MSI2: variants seen among roughly 807,000 people sequenced by gnomAD.
The protein encoded by MSI2 is musashi RNA binding protein 2.
In MSI2, 17 loss-of-function variants were observed where a neutral mutation model predicts 45.6. That is an observed-to-expected ratio of 0.37 (90% CI 0.26 to 0.56). The LOEUF (loss-of-function observed/expected upper bound fraction) is 0.56. Among genes scored for constraint, MSI2 ranks in the 20% least tolerant of loss-of-function variants. MSI2 has a pLI of 0.77. For synonymous variants in MSI2, 156 were observed against 158.2 expected (o/e 0.99, Z 0.11); for missense variants, 293 against 444.2 (o/e 0.66, Z 3.06).
chr17:57,509,513 C>T (rs936230731), intron 6 of MSI2, among the ~76,000 whole-genome samples: 5 of 152,184 alleles, frequency 3.3e-5, no homozygotes, highest in African/African-American at 9.7e-5. Flanking sequence ...CTCCGCCTCC[C>T]GGGTTCAAGT....
chr17:57,520,430 C>A (rs1027934731), intron 6 of MSI2, among the ~76,000 whole-genome samples: 2 of 152,052 alleles, frequency 1.3e-5, no homozygotes, highest in African/African-American at 4.8e-5. Context: ...ATAGAATGAT[C>A]CCACAAGAAT....
chr17:57,585,980 C>T (rs1205629199), intron 7 of MSI2, among the ~76,000 whole-genome samples: 1 of 152,232 alleles, frequency 6.6e-6, no homozygotes, highest in East Asian at 1.9e-4. Flanking sequence ...AGTTGTCTAG[C>T]GATTTAATTT....
At chr17:57,334,636 A>G (rs998264686) in intron 5 of MSI2, among the ~76,000 whole-genome samples, 5 of 152,162 alleles carry the variant, frequency 3.3e-5, no homozygotes, top group African/African-American at 1.2e-4. Context: ...TCTACTAAAA[A>G]TACAAAAATT....
the MSI2 span, among the ~76,000 whole-genome samples, chr17:57,689,900 A>G: frequency 1.5e-4 from 23 of 152,186 alleles, no homozygotes; most frequent in Admixed American, 1.4e-3. Context: ...ATATAGATAT[A>G]CCCAATTTGT....
At chr17:57,453,116 G>A (rs1211213231) in intron 6 of MSI2, among the ~76,000 whole-genome samples, 14 of 150,194 alleles carry the variant, frequency 9.3e-5, no homozygotes, top group East Asian at 2.0e-4. Flanking sequence ...TGATTCTGCC[G>A]CAGCCTCCCG....
chr17:57,528,293 A>C (rs962633080), intron 6 of MSI2, among the ~76,000 whole-genome samples: 5 of 152,190 alleles, frequency 3.3e-5, no homozygotes, highest in East Asian at 1.9e-4. Flanking sequence ...TACTCATAAA[A>C]GGAGTGCATT....
At chr17:57,697,003 C>A in the MSI2 span, among the ~76,000 whole-genome samples, 2 of 152,114 alleles carry the variant, frequency 1.3e-5, no homozygotes, top group Non-Finnish European at 2.9e-5. Context: ...CCAGAGCTAT[C>A]TCTGTAGCTT....
chr17:57,282,058 G>C (rs1213639576), intron 5 of MSI2, among the ~76,000 whole-genome samples: 1 of 152,150 alleles, frequency 6.6e-6, no homozygotes, highest in Non-Finnish European at 1.5e-5. Flanking sequence ...AGATCAAAGC[G>C]GGGAGACTAG....
intron 6 of MSI2, among the ~76,000 whole-genome samples, chr17:57,471,150 C>G (rs1283845846): frequency 6.6e-6 from 1 of 152,142 alleles, no homozygotes; most frequent in Non-Finnish European, 1.5e-5. Context: ...GTTTATGCCC[C>G]CTGCCTGGCC....
chr17:57,557,501 A>G (rs910863280), intron 7 of MSI2, among the ~76,000 whole-genome samples: 1 of 152,198 alleles, frequency 6.6e-6, no homozygotes, highest in Non-Finnish European at 1.5e-5. Flanking sequence ...CTCACTTCTC[A>G]GTTACTTTCT....
rs1227574800 is a variant in MSI2 at position 57,603,014 on chromosome 17, G to A, written c.537+6064G>A. Reference sequence around the variant, plus strand: ...ATAAATTGCCCAGCCATCATCATCAGAAGGAAGGGACTTGGGAATGAAGGG... The same window carrying A: ...ATAAATTGCCCAGCCATCATCATCAAAAGGAAGGGACTTGGGAATGAAGGG... On this transcript the variant is annotated intron_variant, in intron 8 of 13. Coordinates refer to ENST00000284073, the MANE Select transcript of MSI2 (RefSeq NM_138962.4). Among the ~76,000 whole-genome samples, 7 of 152,216 alleles carry A rather than the reference G, an allele frequency of 4.6e-5. No individual in the cohort carries two copies. The South Asian group carries it at 1.2e-3, about 27-fold the overall frequency.
chr17:57,342,455 A>C (rs748536297), intron 5 of MSI2, among the ~76,000 whole-genome samples: 1 of 152,248 alleles, frequency 6.6e-6, no homozygotes, highest in African/African-American at 2.4e-5. Flanking sequence ...TTTGTAGCTC[A>C]TGATTTGACT....
At chr17:57,563,746 G>GCGCACACACA (rs534460755) in intron 7 of MSI2, among the ~76,000 whole-genome samples, 78 of 139,396 alleles carry the variant, frequency 5.6e-4, no homozygotes, top group African/African-American at 1.7e-3. Flanking sequence ...ACACAGGCGC[G>GCGCACACACA]CACACACACA....
chr17:57,649,482 A>G (rs1910963209), intron 10 of MSI2, among the ~76,000 whole-genome samples: 1 of 152,004 alleles, frequency 6.6e-6, no homozygotes, highest in Admixed American at 6.5e-5. Flanking sequence ...CATACACCCA[A>G]CACACATACA....
intron 6 of MSI2, among the ~76,000 whole-genome samples, chr17:57,409,410 G>C (rs757949049): frequency 6.6e-6 from 1 of 152,154 alleles, no homozygotes; most frequent in African/African-American, 2.4e-5. Flanking sequence ...AGGGAAAGCC[G>C]GCATTAATAA....
At chr17:57,412,264 C>T (rs2084211939) in intron 6 of MSI2, among the ~76,000 whole-genome samples, 1 of 152,126 alleles carries the variant, frequency 6.6e-6, no homozygotes, top group Non-Finnish European at 1.5e-5. Context: ...TCTCGGACTC[C>T]AGACCTCAAG....
At chr17:57,642,896 G>A (rs765193048) in intron 10 of MSI2, among the ~76,000 whole-genome samples, 12 of 152,256 alleles carry the variant, frequency 7.9e-5, no homozygotes, top group East Asian at 3.9e-4. Flanking sequence ...GTGATTCAGC[G>A]GTAGAATGGG....
At chr17:57,326,943 G>A (rs1380050795) in intron 5 of MSI2, among the ~76,000 whole-genome samples, 1 of 152,196 alleles carries the variant, frequency 6.6e-6, no homozygotes, top group Non-Finnish European at 1.5e-5. Context: ...TCATCTGAGA[G>A]TGTTTTTGAT....
intron 1 of MSI2, 102 bp downstream of exon 1, chr17:57,256,906 C>CCTCTCCCGCGCGCCCCCCCCGT (rs1906787344): frequency 1.8e-6 from 1 of 557,938 alleles, no homozygotes; most frequent in African/African-American, 2.1e-5. Flanking sequence ...CGCCCCCCCG[C>CCTCTCCCGCGCGCCCCCCCCGT]CTCTCCCGCG....
Sources: allele counts gnomAD v4.1 joint callset (sites outside exome capture counted in the v4.1 genomes callset), GRCh38; gene constraint gnomAD v4.1.1; transcripts MANE v1.5; gene names NCBI Gene and HGNC (gene_info 2026-07-23, HGNC 2026-07-21).